Variants in VPS13B observed in about 807,000 individuals in gnomAD.
VPS13B encodes the protein intermembrane lipid transfer protein VPS13B.
Under a neutral mutation model 426.4 loss-of-function variants are expected in VPS13B, and 285 were observed. The observed-to-expected ratio is 0.67, with a 90% CI of 0.61 to 0.74. The LOEUF is 0.74. VPS13B is among the 30% of genes least tolerant of loss of function. The pLI, the probability that VPS13B is intolerant of heterozygous loss-of-function variation, is 0.00. For missense variants in VPS13B, 4,537 were observed against 4,782.6 expected, an observed-to-expected ratio of 0.95 and a Z score of 1.51; for synonymous variants, 1,676 against 1,676.4, an observed-to-expected ratio of 1.00 and a Z score of 0.01.
At chr8:99,501,610 A>T in intron 25 of VPS13B, 77 bp from the exon 26 acceptor site, 1 of 1,432,770 alleles carries the variant, frequency 7.0e-7, no homozygotes, top group Non-Finnish European at 9.6e-7. Flanking sequence ...ATAATTTCTG[A>T]TTTTAATTTA....
intron 25 of VPS13B, among the ~76,000 whole-genome samples, chr8:99,491,735 C>T (rs1380277300): frequency 1.3e-5 from 2 of 152,142 alleles, no homozygotes; most frequent in African/African-American, 4.8e-5. Flanking sequence ...GTCTTGTCTA[C>T]ACTGTTTATT....
intron 51 of VPS13B, among the ~76,000 whole-genome samples, chr8:99,829,748 CT>C (rs1258699672): frequency 6.6e-6 from 1 of 152,188 alleles, no homozygotes; most frequent in Non-Finnish European, 1.5e-5. Context: ...TACCTTTGGT[CT>C]TTGATGCTGG....
At chr8:99,079,557 C>A (rs1224614439) in intron 3 of VPS13B, among the ~76,000 whole-genome samples, 1 of 151,998 alleles carries the variant, frequency 6.6e-6, no homozygotes, top group East Asian at 1.9e-4. Flanking sequence ...AAATAATGAT[C>A]CTACTATGAA....
chr8:99,121,454 TTTCTC>T lies in VPS13B; in HGVS notation c.1206+12_1206+16del. On this transcript the variant is annotated intron_variant, in intron 8 of 61. Coordinates refer to ENST00000357162, the MANE Select transcript of VPS13B (RefSeq NM_152564.5). ...CAACGGTGACTTTCAAAGTAGGTCT[TTTCTC>T]TTGCTGTTTATATCTCTATCAACTT... 2 of 1,614,050 alleles carry T rather than the reference TTTCTC, an allele frequency of 1.2e-6. No individual in the cohort carries two copies. The highest frequency in any genetic ancestry group is 1.1e-5 in the South Asian group (1 of 91,082).
chr8:99,746,239 C>T (rs1221993327), intron 39 of VPS13B, among the ~76,000 whole-genome samples: 2 of 152,036 alleles, frequency 1.3e-5, no homozygotes, highest in Non-Finnish European at 2.9e-5. Flanking sequence ...AAGAATACTT[C>T]TCAGGTGACA....
At chr8:99,533,958 CAAAAT>C (rs886390544) in intron 30 of VPS13B, among the ~76,000 whole-genome samples, 16 of 152,194 alleles carry the variant, frequency 1.1e-4, no homozygotes, top group African/African-American at 3.9e-4. Context: ...AAGGCATTCT[CAAAAT>C]AACCTTTGTT....
chr8:99,167,619 A>C (rs1812086103), intron 15 of VPS13B, among the ~76,000 whole-genome samples: 1 of 152,100 alleles, frequency 6.6e-6, no homozygotes, highest in African/African-American at 2.4e-5. Flanking sequence ...AATGTTTCTA[A>C]ATCCATTACA....
At chr8:99,014,414 G>A (rs894788539) in intron 2 of VPS13B, among the ~76,000 whole-genome samples, 2 of 151,674 alleles carry the variant, frequency 1.3e-5, no homozygotes, top group South Asian at 2.1e-4. Context: ...CACCGCGCCC[G>A]GCCTGCATAA....
intron 17 of VPS13B, among the ~76,000 whole-genome samples, chr8:99,254,739 C>G (rs1199937402): frequency 6.6e-6 from 1 of 151,914 alleles, no homozygotes; most frequent in African/African-American, 2.4e-5. Context: ...TGCCCACAGG[C>G]TCAAGTGATT....
At chr8:99,076,489 C>CT (rs1402576378) in intron 3 of VPS13B, among the ~76,000 whole-genome samples, 1 of 152,076 alleles carries the variant, frequency 6.6e-6, no homozygotes, top group Non-Finnish European at 1.5e-5. Flanking sequence ...TTGGAGCTAT[C>CT]TCTCCCTTTA....
chr8:99,874,557 CA>C (rs1817598189), intron 61 of VPS13B, among the ~76,000 whole-genome samples: 1 of 152,012 alleles, frequency 6.6e-6, no homozygotes, highest in Admixed American at 6.6e-5. Context: ...GTTCAGTAGG[CA>C]AAAACCACGG....
At chr8:99,592,737 T>C (rs1826758174) in intron 33 of VPS13B, among the ~76,000 whole-genome samples, 1 of 151,838 alleles carries the variant, frequency 6.6e-6, no homozygotes, top group African/African-American at 2.4e-5. Context: ...TGAAACAGAA[T>C]AGAGAACTGA....
intron 16 of VPS13B, among the ~76,000 whole-genome samples, chr8:99,175,668 G>T (rs1412331679): frequency 2.0e-5 from 3 of 152,008 alleles, no homozygotes; most frequent in Non-Finnish European, 2.9e-5. Context: ...GAGGTGGGAG[G>T]ATCACTTGCG....
At chr8:99,089,998 A>G (rs1462145344) in intron 3 of VPS13B, among the ~76,000 whole-genome samples, 1 of 152,166 alleles carries the variant, frequency 6.6e-6, no homozygotes, top group Non-Finnish European at 1.5e-5. Context: ...AATACTGGTC[A>G]GTTGTGCCTG....
At position 99,431,520 on chromosome 8, in the gene VPS13B, G is replaced by C; in HGVS notation, c.3083-17G>C. ...AAGTTATGTTTCTATTAAATAATTA[G>C]CTATTCTCGTACTCAGAATCCCGCC... On this transcript the variant is annotated splice_polypyrimidine_tract_variant and intron_variant, in intron 21 of 61. Coordinates refer to ENST00000357162, the MANE Select transcript of VPS13B (RefSeq NM_152564.5). 6.2e-7 allele frequency: 1 copy of C among 1,612,506 alleles called. No individual in the cohort carries two copies. Among genetic ancestry groups the C allele is most frequent in the Non-Finnish European group, 8.5e-7 (1 of 1,179,408 alleles).
chr8:99,309,129 G>A (rs889879771), intron 19 of VPS13B, among the ~76,000 whole-genome samples: 2 of 152,118 alleles, frequency 1.3e-5, no homozygotes, highest in African/African-American at 4.8e-5. Context: ...CATTCTGTAG[G>A]TTGCCTGTTT....
At chr8:99,121,988 A>AC (rs1847968986) in intron 8 of VPS13B, among the ~76,000 whole-genome samples, 1 of 149,866 alleles carries the variant, frequency 6.7e-6, no homozygotes, top group Non-Finnish European at 1.5e-5. Context: ...AGCAGCTGGG[A>AC]CTACAGGCAC....
chr8:99,148,041 C>A, intron 14 of VPS13B, 31 bp downstream of exon 14: 1 of 1,594,058 alleles, frequency 6.3e-7, no homozygotes, highest in African/African-American at 1.4e-5. Context: ...TATTTTTTTT[C>A]CCTCATATAT....
intron 19 of VPS13B, among the ~76,000 whole-genome samples, chr8:99,335,715 C>A (rs1204393765): frequency 6.6e-6 from 1 of 152,030 alleles, no homozygotes; most frequent in Non-Finnish European, 1.5e-5. Flanking sequence ...TCTTATACAC[C>A]AATAACAGAC....
Sources: gnomAD v4.1 joint callset for allele counts (sites outside exome capture counted in the v4.1 genomes callset) on GRCh38, gnomAD v4.1.1 for gene constraint, MANE v1.5 for transcripts, NCBI Gene and HGNC (gene_info 2026-07-23, HGNC 2026-07-21) for gene names.